Variants in ACOXL observed in about 807,000 individuals in gnomAD.
ACOXL encodes the protein acyl-coenzyme A oxidase-like protein.
ACOXL carries 70 observed loss-of-function variants against 71.9 expected under a neutral mutation model. The observed-to-expected ratio is 0.97, with a 90% CI of 0.80 to 1.19. The LOEUF is 1.19. ACOXL is among the 50% of genes most tolerant of loss of function. The probability of loss-of-function intolerance (pLI) is 0.00; values close to 1 mark genes in which losing one functional copy is unlikely to be tolerated. For synonymous variants in ACOXL, 253 were observed against 281.6 expected (o/e 0.90, Z 1.02); for missense variants, 703 against 736.3 (o/e 0.95, Z 0.52).
At chr2:110,927,265 C>T (rs528184403) in intron 11 of ACOXL, among the ~76,000 whole-genome samples, 1 of 152,242 alleles carries the variant, frequency 6.6e-6, no homozygotes, top group South Asian at 2.1e-4. Context: ...CTCGCCAGGC[C>T]CCTCCCCCAA....
At chr2:110,873,265 GC>G (rs914849672) in intron 10 of ACOXL, among the ~76,000 whole-genome samples, 14 of 152,072 alleles carry the variant, frequency 9.2e-5, no homozygotes, top group African/African-American at 3.4e-4. Context: ...TGGATTGGGC[GC>G]CCAGGCACGC....
intron 10 of ACOXL, among the ~76,000 whole-genome samples, chr2:110,854,091 A>T (rs1043243868): frequency 1.3e-5 from 2 of 152,204 alleles, no homozygotes; most frequent in East Asian, 3.9e-4. Context: ...CGATGCTCCA[A>T]GGCATGTGTG....
At chr2:110,937,058 G>T (rs533573598) in intron 12 of ACOXL, among the ~76,000 whole-genome samples, 1 of 152,276 alleles carries the variant, frequency 6.6e-6, no homozygotes, top group Admixed American at 6.5e-5. Flanking sequence ...TGTTGGTCAG[G>T]CTGGTCTCGA....
chr2:110,750,391 G>T (rs569415787), intron 1 of ACOXL, among the ~76,000 whole-genome samples: 40 of 151,922 alleles, frequency 2.6e-4, no homozygotes, highest in African/African-American at 9.4e-4. Context: ...GGGAGTTTCG[G>T]GCTCATCTTA....
intron 10 of ACOXL, among the ~76,000 whole-genome samples, chr2:110,906,391 T>C (rs1047293237): frequency 6.6e-6 from 1 of 151,696 alleles, no homozygotes; most frequent in Non-Finnish European, 1.5e-5. Context: ...TGCAAAAAAT[T>C]AGCTGGGTGT....
intron 16 of ACOXL, among the ~76,000 whole-genome samples, chr2:111,052,804 G>T (rs141140823): frequency 1.3e-5 from 2 of 152,186 alleles, no homozygotes; most frequent in South Asian, 4.2e-4. Flanking sequence ...CTGAGCTCAC[G>T]TCCAAGCAAG....
In ACOXL at chr2:111,031,520, T is replaced by C. The variant is rs537584143; in HGVS notation, c.1282-107T>C. The C allele has an allele frequency of 3.0e-5, 29 of 970,230 alleles. No individual in the cohort carries two copies. In the African/African-American group the frequency reaches 3.5e-4, roughly 12 times the overall value. The allele number at this position is 970,230 out of a possible 1,614,324, so 60.1% of individuals were successfully genotyped here. A position where few individuals can be genotyped will look rare whatever the true frequency, so the allele number is the denominator to read the frequency against. On this transcript the variant is annotated intron_variant, in intron 14 of 17. Coordinates refer to ENST00000439055, the MANE Select transcript of ACOXL (RefSeq NM_001142807.4). Reference sequence around the variant, plus strand: ...TACAGAAGGTTCTGCACTGTGTCCATGCTTAATGTAGTACTGAAAATTTGG... The same window carrying C: ...TACAGAAGGTTCTGCACTGTGTCCACGCTTAATGTAGTACTGAAAATTTGG...
Position 111,031,669 on chromosome 2 carries a change from T to C in ACOXL, c.1324T>C (p.Cys442Arg), listed in dbSNP as rs1023079030. 1 of 1,614,190 alleles carries C rather than the reference T, an allele frequency of 6.2e-7. No individual in the cohort carries two copies. Among genetic ancestry groups the C allele is most frequent in the Non-Finnish European group, 8.5e-7 (1 of 1,180,030 alleles). The change falls in exon 15 of 18, where the codon TGT becomes CGT. Residue 442 changes from cysteine (C) to arginine (R), a missense_variant. Transcript: ENST00000439055. The stretch of plus-strand genomic sequence containing the variant: ...GGATTTTTTCCATGCCTGGAACTCG[T>C]GTCTGCACCACGTGGCTTCTCTGTC... ...KEDFFHAWNS[C>R]LHHVASLSLA...
intron 10 of ACOXL, among the ~76,000 whole-genome samples, chr2:110,879,962 A>G (rs985904819): frequency 2.0e-5 from 3 of 152,030 alleles, no homozygotes; most frequent in African/African-American, 7.3e-5. Flanking sequence ...CCTGGCCAAC[A>G]TGGTGAAACC....
intron 9 of ACOXL, among the ~76,000 whole-genome samples, chr2:110,824,155 T>C (rs1688921044): frequency 6.6e-6 from 1 of 152,224 alleles, no homozygotes; most frequent in East Asian, 1.9e-4. Flanking sequence ...TATACAAATA[T>C]AGTCAACTCA....
intron 9 of ACOXL, among the ~76,000 whole-genome samples, chr2:110,826,859 T>A (rs78815955): frequency 3.7e-4 from 56 of 151,724 alleles, no homozygotes; most frequent in Admixed American, 9.9e-4. Context: ...TAGTGTACAG[T>A]TCACCTGTAC....
chr2:110,939,993 C>G (rs927051688), intron 12 of ACOXL, among the ~76,000 whole-genome samples: 1 of 152,146 alleles, frequency 6.6e-6, no homozygotes. Flanking sequence ...AGTTTCTAGA[C>G]CAGTGGTTTT....
At chr2:110,804,211 T>A (rs1188435364) in intron 8 of ACOXL, among the ~76,000 whole-genome samples, 3 of 152,114 alleles carry the variant, frequency 2.0e-5, no homozygotes, top group Admixed American at 1.3e-4. Context: ...GGTCTTGAAA[T>A]CCTGACTTCG....
In ACOXL at chr2:110,996,009, A is replaced by C; in HGVS notation, c.1281+5A>C. 8 of 1,581,034 alleles carry C rather than the reference A, an allele frequency of 5.1e-6. No individual in the cohort carries two copies. The highest frequency in any genetic ancestry group is 6.8e-6 in the Non-Finnish European group (8 of 1,170,200). The stretch of plus-strand genomic sequence containing the variant: ...GTGGCCAGAATTTATTATAAGGTAA[A>C]GATACACTGTGTTATATTTTTCCTT... On this transcript the variant is annotated splice_donor_5th_base_variant and intron_variant, in intron 14 of 17. Transcript: ENST00000439055.
At chr2:110,759,756 G>A (rs1259401384) in intron 1 of ACOXL, among the ~76,000 whole-genome samples, 1 of 151,798 alleles carries the variant, frequency 6.6e-6, no homozygotes, top group African/African-American at 2.4e-5. Context: ...ATTGTTATTT[G>A]GATTATGTTT....
intron 3 of ACOXL, among the ~76,000 whole-genome samples, chr2:110,789,042 C>T (rs1684338808): frequency 6.6e-6 from 1 of 152,252 alleles, no homozygotes; most frequent in Non-Finnish European, 1.5e-5. Flanking sequence ...TTTTCTCTCT[C>T]TCTCCAGGTC....
In ACOXL at chr2:110,805,359, A is replaced by G. The variant is rs756733784; in HGVS notation, c.717A>G (p.Arg239=). The change falls in exon 9 of 18, where the codon AGA becomes AGG. Residue 239 remains arginine, a synonymous_variant. Transcript: ENST00000439055. ...NAMLAALTPS[R]LAVAFQAMGA... ...TGCTGGCAGCACTGACCCCTTCGAGATTAGCTGTGGCTTTCCAAGCTATGG... is the reference window on the plus strand; with the variant it reads ...TGCTGGCAGCACTGACCCCTTCGAGGTTAGCTGTGGCTTTCCAAGCTATGG... 1 of 1,614,214 alleles carries G rather than the reference A, an allele frequency of 6.2e-7. No homozygotes were observed. Among genetic ancestry groups the G allele is most frequent in the Non-Finnish European group, 8.5e-7 (1 of 1,180,034 alleles).
intron 9 of ACOXL, among the ~76,000 whole-genome samples, chr2:110,807,014 A>C (rs1686732032): frequency 6.6e-6 from 1 of 152,130 alleles, no homozygotes; most frequent in Non-Finnish European, 1.5e-5. Flanking sequence ...GTGATTCCTA[A>C]AAGGTTCCTG....
chr2:110,895,175 G>A (rs72832894), intron 10 of ACOXL, among the ~76,000 whole-genome samples: 47,685 of 151,916 alleles, frequency 0.31, 7,797 homozygotes, highest in Middle Eastern at 0.38. Context: ...GCTGAAACAT[G>A]AAAAAATCTC....
Sources: gnomAD v4.1 joint callset for allele counts (sites outside exome capture counted in the v4.1 genomes callset) on GRCh38, gnomAD v4.1.1 for gene constraint, MANE v1.5 for transcripts, NCBI Gene and HGNC (gene_info 2026-07-23, HGNC 2026-07-21) for gene names.